EDIL3: variants seen among roughly 807,000 people sequenced by gnomAD.
The protein encoded by EDIL3 is EGF-like repeat and discoidin I-like domain-containing protein 3.
EDIL3 carries 37 observed loss-of-function variants against 67.4 expected under a neutral mutation model. The ratio of observed to expected loss-of-function variants is 0.55; its 90% CI spans 0.42 to 0.72. The LOEUF (loss-of-function observed/expected upper bound fraction) is 0.72, where lower values mean the gene tolerates loss of function less well. EDIL3 is among the 30% of genes least tolerant of loss of function. The probability of loss-of-function intolerance (pLI) is 0.00; values close to 1 mark genes in which losing one functional copy is unlikely to be tolerated. For synonymous variants in EDIL3, 195 were observed against 196.3 expected (o/e 0.99, Z 0.05); for missense variants, 527 against 586.3 (o/e 0.90, Z 1.04).
At chr5:84,199,213 A>C (rs1343332502) in intron 3 of EDIL3, among the ~76,000 whole-genome samples, 1 of 151,900 alleles carries the variant, frequency 6.6e-6, no homozygotes, top group African/African-American at 2.4e-5. Flanking sequence ...GTTGACTTTC[A>C]TTTGTTTTTG....
chr5:84,082,092 T>C, intron 6 of EDIL3, among the ~76,000 whole-genome samples: 1 of 152,390 alleles, frequency 6.6e-6, no homozygotes, highest in East Asian at 1.9e-4. Flanking sequence ...TGAGAATGGA[T>C]TGCCAGTTAT....
At chr5:83,949,331 GA>G in intron 10 of EDIL3, among the ~76,000 whole-genome samples, 1 of 151,450 alleles carries the variant, frequency 6.6e-6, no homozygotes, top group Admixed American at 6.6e-5. Flanking sequence ...AAAGTCAAAT[GA>G]AAAAAAATTC....
chr5:84,032,516 T>A (rs916538175), intron 9 of EDIL3, among the ~76,000 whole-genome samples: 8 of 152,286 alleles, frequency 5.3e-5, no homozygotes, highest in East Asian at 1.9e-4. Flanking sequence ...TCTTTTTTTT[T>A]AAATAAACTA....
intron 6 of EDIL3, among the ~76,000 whole-genome samples, chr5:84,081,966 A>G (rs972351700): frequency 1.3e-5 from 2 of 152,208 alleles, no homozygotes; most frequent in African/African-American, 4.8e-5. Flanking sequence ...GTGCTGAGTG[A>G]ATAAGAAAGA....
intron 1 of EDIL3, among the ~76,000 whole-genome samples, chr5:84,371,726 G>C (rs10069236): frequency 0.27 from 40,982 of 151,306 alleles, 6,864 homozygotes; most frequent in Middle Eastern, 0.4. Flanking sequence ...ACTAAATAAA[G>C]AATGAAAAAA....
chr5:84,286,987 T>C (rs1197479366), intron 1 of EDIL3, among the ~76,000 whole-genome samples: 1 of 152,148 alleles, frequency 6.6e-6, no homozygotes, highest in African/African-American at 2.4e-5. Context: ...ATGGTTTAGA[T>C]AAAAATCTAT....
chr5:84,051,537 T>C (rs1000300926), intron 9 of EDIL3, among the ~76,000 whole-genome samples: 1 of 152,044 alleles, frequency 6.6e-6, no homozygotes, highest in African/African-American at 2.4e-5. Context: ...TTCGAACCCA[T>C]TGCAAAGAAG....
At chr5:83,979,766 C>T (rs1281106779) in intron 9 of EDIL3, among the ~76,000 whole-genome samples, 1 of 152,076 alleles carries the variant, frequency 6.6e-6, no homozygotes, top group Non-Finnish European at 1.5e-5. Flanking sequence ...GTCCCAGGAC[C>T]TCCTGGAATG....
intron 3 of EDIL3, among the ~76,000 whole-genome samples, chr5:84,188,501 T>C (rs557095433): frequency 9.2e-5 from 14 of 152,088 alleles, no homozygotes; most frequent in African/African-American, 3.4e-4. Context: ...CTAATACGTC[T>C]TCATCTTTAG....
intron 1 of EDIL3, among the ~76,000 whole-genome samples, chr5:84,378,464 T>C (rs752879412): frequency 5.3e-5 from 8 of 152,200 alleles, no homozygotes; most frequent in Non-Finnish European, 1.2e-4. Context: ...GTCTCCTCTT[T>C]GTCTAAAAGT....
intron 3 of EDIL3, among the ~76,000 whole-genome samples, chr5:84,203,374 A>G (rs114350512): frequency 9.8e-5 from 15 of 152,316 alleles, no homozygotes; most frequent in Admixed American, 9.2e-4. Context: ...TCAGATAAAA[A>G]AAGTCTCCAG....
chr5:84,241,461 T>C lies in EDIL3; in HGVS notation c.197-11577A>G, dbSNP rs1167758185. Among the ~76,000 whole-genome samples the C allele has an allele frequency of 2.6e-5, 4 of 152,172 alleles. No homozygotes were observed. The South Asian group carries it at 8.3e-4, about 32-fold the overall frequency. On this transcript the variant is annotated intron_variant, in intron 2 of 10. Coordinates refer to ENST00000296591, the MANE Select transcript of EDIL3 (RefSeq NM_005711.5). The stretch of plus-strand genomic sequence containing the variant: ...AATAAAAAAATCAATTCATAACTTA[T>C]TTGCTCTAAGCATAAGGAAGGCTAG...
At chr5:84,011,204 T>A (rs1273051191) in intron 9 of EDIL3, among the ~76,000 whole-genome samples, 1 of 152,156 alleles carries the variant, frequency 6.6e-6, no homozygotes, top group Non-Finnish European at 1.5e-5. Context: ...TACATCACTG[T>A]CCACTGCAAA....
At chr5:84,251,948 G>A (rs1405227381) in intron 2 of EDIL3, among the ~76,000 whole-genome samples, 1 of 152,084 alleles carries the variant, frequency 6.6e-6, no homozygotes, top group African/African-American at 2.4e-5. Context: ...AAAAAATATA[G>A]CTTAAAATAA....
intron 6 of EDIL3, among the ~76,000 whole-genome samples, chr5:84,079,537 A>C (rs921129010): frequency 1.4e-4 from 21 of 152,218 alleles, no homozygotes; most frequent in African/African-American, 4.8e-4. Context: ...GTTAAGTGAA[A>C]GAGTAGGAAA....
intron 1 of EDIL3, among the ~76,000 whole-genome samples, chr5:84,275,566 C>T (rs1479134054): frequency 6.6e-6 from 1 of 152,164 alleles, no homozygotes; most frequent in Non-Finnish European, 1.5e-5. Context: ...TTTCTACTGA[C>T]TATTTTTCTC....
At chr5:84,211,442 T>G (rs1030116556) in intron 3 of EDIL3, among the ~76,000 whole-genome samples, 3 of 152,162 alleles carry the variant, frequency 2.0e-5, no homozygotes, top group Admixed American at 6.6e-5. Flanking sequence ...TAAACCTCTT[T>G]ATAAATTATC....
chr5:84,342,417 G>T (rs779366793), intron 1 of EDIL3, among the ~76,000 whole-genome samples: 7 of 151,994 alleles, frequency 4.6e-5, no homozygotes, highest in Non-Finnish European at 1.0e-4. Flanking sequence ...ACTCAGAAAG[G>T]TGGGGGGAAT....
rs72278901 is a variant in EDIL3, at chr5:84,249,377, TTCTATCTATCTATCTATCTA to T, written c.196+4687_196+4706del. On this transcript the variant is annotated intron_variant, in intron 2 of 10. Transcript: ENST00000296591. ...TATCACAACACATAACAACATATCT[TTCTATCTATCTATCTATCTA>T]TCTATCTATCTATCTATCTATCTAT... is the stretch of plus-strand genomic sequence containing the variant. 2.8e-3 allele frequency among the ~76,000 whole-genome samples: 411 copies of T among 144,282 alleles called. 4 individuals are homozygous for T. Among genetic ancestry groups the T allele is most frequent in the African/African-American group, 8.3e-3 (321 of 38,746 alleles). The allele number at this position is 144,282 out of a possible 152,430, so 94.7% of individuals were successfully genotyped here. A position where few individuals can be genotyped will look rare whatever the true frequency, so the allele number is the denominator to read the frequency against.
Sources: allele counts gnomAD v4.1 joint callset (sites outside exome capture counted in the v4.1 genomes callset), GRCh38; gene constraint gnomAD v4.1.1; transcripts MANE v1.5; gene names NCBI Gene and HGNC (gene_info 2026-07-23, HGNC 2026-07-21).